The following L3MBTL4 variants were observed in gnomAD, a reference collection of about 807,000 sequenced individuals.
L3MBTL4 encodes the protein L3MBTL histone methyl-lysine binding protein 4.
Under a neutral mutation model 84.5 loss-of-function variants are expected in L3MBTL4, and 70 were observed. The ratio of observed to expected loss-of-function variants is 0.83; its 90% CI spans 0.68 to 1.01. L3MBTL4 has a LOEUF of 1.01. Ranked by LOEUF, L3MBTL4 falls within the 50% of genes least tolerant of loss-of-function variation. The probability of loss-of-function intolerance (pLI) is 0.00; values close to 1 mark genes in which losing one functional copy is unlikely to be tolerated. For synonymous variants in L3MBTL4, 274 were observed against 259.8 expected (o/e 1.05, Z -0.52); for missense variants, 715 against 754.8 (o/e 0.95, Z 0.62).
intron 5 of L3MBTL4, among the ~76,000 whole-genome samples, chr18:6,245,976 G>A (rs1370513212): frequency 6.6e-6 from 1 of 152,130 alleles, no homozygotes; most frequent in Non-Finnish European, 1.5e-5. Flanking sequence ...ATGGTGTCAG[G>A]TAGAGGCCTA....
At chr18:6,072,488 G>A (rs1203337965) in intron 16 of L3MBTL4, among the ~76,000 whole-genome samples, 1 of 151,898 alleles carries the variant, frequency 6.6e-6, no homozygotes, top group East Asian at 1.9e-4. Flanking sequence ...AAAACTCATG[G>A]AATGCAGGAA....
Position 6,346,439 on chromosome 18 carries a change from A to G in L3MBTL4, c.-90-34383T>C, listed in dbSNP as rs192533095. ...ATGGGAGAAAATATTGGCAAACCATACATTTGATAAGGGGCTAATATACAA... is the reference window on the plus strand; with the variant it reads ...ATGGGAGAAAATATTGGCAAACCATGCATTTGATAAGGGGCTAATATACAA... On this transcript the variant is annotated intron_variant, in intron 1 of 18. Transcript: ENST00000317931. Among the ~76,000 whole-genome samples the G allele has an allele frequency of 1.2e-3, 180 of 152,166 alleles. 1 individual carries two copies. The highest frequency in any genetic ancestry group is 4.2e-3 in the African/African-American group (174 of 41,570).
At chr18:6,316,336 G>C (rs1450660362) in intron 1 of L3MBTL4, among the ~76,000 whole-genome samples, 1 of 152,190 alleles carries the variant, frequency 6.6e-6, no homozygotes, top group Non-Finnish European at 1.5e-5. Flanking sequence ...ACTCCTAGGG[G>C]AAGGGGAAGT....
chr18:6,104,756 T>G (rs9630755), intron 14 of L3MBTL4, among the ~76,000 whole-genome samples: 38,495 of 152,140 alleles, frequency 0.25, 6,508 homozygotes, highest in African/African-American at 0.49. Context: ...AAAGAAAAAG[T>G]TGACCTTTTA....
rs1336214691 is a variant in L3MBTL4 at position 6,343,486 on chromosome 18, AC to A, written c.-90-31431del. On this transcript the variant is annotated intron_variant, in intron 1 of 18. Coordinates refer to ENST00000317931, the MANE Select transcript of L3MBTL4 (RefSeq NM_001330559.2). The stretch of plus-strand genomic sequence containing the variant: ...AGACCATCCTGACTAACATGGTGAA[AC>A]CCCGTCTCTACTAAAAATACAAAAA... 7.2e-5 allele frequency among the ~76,000 whole-genome samples: 11 copies of A among 151,970 alleles called. No individual in the cohort carries two copies. In the South Asian group the frequency reaches 2.3e-3, roughly 32 times the overall value.
chr18:6,382,920 C>G (rs1014727746), intron 1 of L3MBTL4, among the ~76,000 whole-genome samples: 10 of 152,170 alleles, frequency 6.6e-5, no homozygotes, highest in Non-Finnish European at 1.3e-4. Flanking sequence ...CACAGCTGCC[C>G]CTTCCCCCAG....
At chr18:6,036,140 T>C (rs1161352704) in intron 16 of L3MBTL4, among the ~76,000 whole-genome samples, 1 of 152,228 alleles carries the variant, frequency 6.6e-6, no homozygotes, top group Admixed American at 6.5e-5. Context: ...CTTTTGAAAG[T>C]ACGATTAGTG....
chr18:6,238,337 T>A (rs2047304225), intron 9 of L3MBTL4, among the ~76,000 whole-genome samples: 1 of 152,088 alleles, frequency 6.6e-6, no homozygotes, highest in South Asian at 2.1e-4. Flanking sequence ...ATCGAGACCA[T>A]CCTGGCTAAC....
At chr18:6,167,629 C>A (rs141787833) in intron 13 of L3MBTL4, among the ~76,000 whole-genome samples, 5 of 146,354 alleles carry the variant, frequency 3.4e-5, no homozygotes, top group Admixed American at 6.8e-5. Flanking sequence ...ATTCAACAAC[C>A]CTTCATGCTA....
intron 16 of L3MBTL4, among the ~76,000 whole-genome samples, chr18:5,983,650 A>C (rs565714101): frequency 3.9e-4 from 60 of 152,248 alleles, no homozygotes; most frequent in Admixed American, 1.4e-3. Context: ...GCCTCTAATA[A>C]GCCATTTGAA....
chr18:5,982,214 C>CA (rs1260439164), intron 16 of L3MBTL4, among the ~76,000 whole-genome samples: 1 of 152,132 alleles, frequency 6.6e-6, no homozygotes, highest in Non-Finnish European at 1.5e-5. Flanking sequence ...GTGAGACCTG[C>CA]ACTCCTGCTT....
chr18:6,298,599 G>A (rs1056271607), intron 4 of L3MBTL4, among the ~76,000 whole-genome samples: 6 of 152,126 alleles, frequency 3.9e-5, no homozygotes, highest in South Asian at 2.1e-4. Flanking sequence ...AGGGCCAGGC[G>A]CAGTGGCTCA....
chr18:5,993,173 G>A (rs1444747686), intron 16 of L3MBTL4, among the ~76,000 whole-genome samples: 1 of 152,216 alleles, frequency 6.6e-6, no homozygotes, highest in East Asian at 1.9e-4. Context: ...TCAGGAGGAG[G>A]AAGCCTCCCA....
At chr18:6,165,669 T>C (rs1336770448) in intron 13 of L3MBTL4, among the ~76,000 whole-genome samples, 1 of 151,844 alleles carries the variant, frequency 6.6e-6, no homozygotes, top group South Asian at 2.1e-4. Context: ...CTAAAAGAGC[T>C]CCTGAAGGAA....
chr18:6,264,038 A>G lies in L3MBTL4; in HGVS notation c.128T>C (p.Val43Ala), dbSNP rs1477345339. Residue 43 changes from valine (V) to alanine (A), a missense_variant and splice_region_variant, in exon 5 of 19, where the codon GTC (valine) becomes GCC (alanine). By Grantham distance (64) the Val-to-Ala change is moderately conservative. Transcript: ENST00000317931. ...TGCTCCCTGTGCAGCCGCTGAAGGG[A>G]CTGGAAGAGAAAACACAATGACTTT... ...PKDSTTPLSH[V>A]PSAAAQGAWS... The G allele has an allele frequency of 6.2e-7, 1 of 1,607,148 alleles. No homozygotes were observed. The highest frequency in any genetic ancestry group is 8.5e-7 in the Non-Finnish European group (1 of 1,174,004).
At chr18:6,037,927 T>C (rs1489226961) in intron 16 of L3MBTL4, among the ~76,000 whole-genome samples, 2 of 152,198 alleles carry the variant, frequency 1.3e-5, no homozygotes, top group Non-Finnish European at 2.9e-5. Context: ...AGTAGGCTCC[T>C]GATGAGTAAT....
intron 16 of L3MBTL4, among the ~76,000 whole-genome samples, chr18:6,047,240 A>G (rs1446723778): frequency 6.6e-6 from 1 of 152,146 alleles, no homozygotes; most frequent in East Asian, 1.9e-4. Flanking sequence ...TAGTCCCAAA[A>G]TTGAACTGGT....
chr18:6,237,117 A>T (rs920696778), intron 10 of L3MBTL4, among the ~76,000 whole-genome samples: 2 of 152,190 alleles, frequency 1.3e-5, no homozygotes, highest in Non-Finnish European at 2.9e-5. Context: ...TAAACATTTC[A>T]TAACATTTCT....
chr18:6,146,779 T>C (rs2042672627), intron 13 of L3MBTL4, among the ~76,000 whole-genome samples: 2 of 152,120 alleles, frequency 1.3e-5, no homozygotes, highest in African/African-American at 4.8e-5. Flanking sequence ...AATTTGATAA[T>C]GTAGGGAGGG....
Sources: gnomAD v4.1 joint callset for allele counts (sites outside exome capture counted in the v4.1 genomes callset) on GRCh38, gnomAD v4.1.1 for gene constraint, MANE v1.5 for transcripts, NCBI Gene and HGNC (gene_info 2026-07-23, HGNC 2026-07-21) for gene names.